SPG11: variants seen among roughly 807,000 people sequenced by gnomAD.
The protein encoded by SPG11 is spatacsin.
A neutral mutation model predicts 274.0 loss-of-function variants in SPG11; 222 were observed. The ratio of observed to expected loss-of-function variants is 0.81; its 90% CI spans 0.73 to 0.91. The LOEUF is 0.91. Ranked by LOEUF, SPG11 falls within the 40% of genes least tolerant of loss-of-function variation. SPG11 has a pLI of 0.00. For synonymous variants in SPG11, 1,144 were observed against 1,039.7 expected (o/e 1.10, Z -1.93); for missense variants, 3,114 against 2,872.7 (o/e 1.08, Z -1.92).
intron 12 of SPG11, 68 bp downstream of exon 12, chr15:44,622,647 TTTTTCTTCCAAGG>T (rs1315899358): frequency 5.1e-6 from 6 of 1,172,536 alleles, no homozygotes; most frequent in South Asian, 1.3e-5. Context: ...TTACTTAAGG[TTTTTCTTCCAAGG>T]TTTTCTTCCA....
At chr15:44,585,017 T>C (rs1595844394) in intron 29 of SPG11, among the ~76,000 whole-genome samples, 1 of 152,192 alleles carries the variant, frequency 6.6e-6, no homozygotes, top group Non-Finnish European at 1.5e-5. Context: ...AGTTATGGTA[T>C]GAAAAACAAT....
In SPG11 at chr15:44,584,249, G is replaced by A. The variant is rs1334299225; in HGVS notation, c.5431C>T (p.Leu1811Phe). 6.2e-7 allele frequency: 1 copy of A among 1,614,192 alleles called. No homozygotes were observed. The highest frequency in any genetic ancestry group is 1.7e-5 in the Admixed American group (1 of 60,018). ...TCTGTTTCCTCCTGATTTCTTCCAA[G>A]AGTGTGCTGGGTGATGCGGCACAGC... ...IWLCRITQHT[L>F]GRNQEETEPR... Residue 1811 changes from leucine to phenylalanine, a missense_variant, in exon 30 of 40, where the codon CTT (leucine) becomes TTT (phenylalanine). Transcript: ENST00000261866.
intron 20 of SPG11, among the ~76,000 whole-genome samples, chr15:44,600,855 G>A (rs781072651): frequency 6.6e-6 from 1 of 152,108 alleles, no homozygotes; most frequent in African/African-American, 2.4e-5. Context: ...AAAAACTCTG[G>A]TAAGAAATGA....
intron 16 of SPG11, among the ~76,000 whole-genome samples, 181 bp from the exon 17 acceptor site, chr15:44,613,717 A>G (rs1289116836): frequency 6.6e-6 from 1 of 152,218 alleles, no homozygotes; most frequent in African/African-American, 2.4e-5. Context: ...TCTGGAAACA[A>G]TTTTAGAGAT....
intron 7 of SPG11, among the ~76,000 whole-genome samples, chr15:44,634,673 G>A (rs1407454711): frequency 1.3e-5 from 2 of 151,838 alleles, no homozygotes; most frequent in African/African-American, 4.8e-5. Flanking sequence ...TGCAATCTCC[G>A]CCTCCCAGGT....
chr15:44,601,309 G>A (rs2083182400), intron 20 of SPG11, among the ~76,000 whole-genome samples: 1 of 151,798 alleles, frequency 6.6e-6, no homozygotes, highest in Non-Finnish European at 1.5e-5. Flanking sequence ...CGCCCAGACT[G>A]GAGTGCAGTG....
chr15:44,618,691 G>T (rs1055120677), intron 15 of SPG11, among the ~76,000 whole-genome samples: 23 of 151,844 alleles, frequency 1.5e-4, no homozygotes, highest in African/African-American at 5.6e-4. Context: ...GTGGTGGTGG[G>T]TGCCTGTAGT....
intron 15 of SPG11, among the ~76,000 whole-genome samples, chr15:44,619,721 AT>A (rs1231420239): frequency 0.072 from 9,802 of 135,684 alleles, 608 homozygotes; most frequent in East Asian, 0.21. Flanking sequence ...AATGCATATG[AT>A]TTTTTTTTTT....
intron 14 of SPG11, chr15:44,621,222 G>C (rs9972459): frequency 6.5e-6 from 1 of 153,620 alleles, no homozygotes; most frequent in Non-Finnish European, 1.4e-5. Context: ...TGAAACTTAC[G>C]TATTAGCTGT....
At chr15:44,618,604 T>TCAGG (rs2141020983) in intron 15 of SPG11, among the ~76,000 whole-genome samples, 1 of 147,558 alleles carries the variant, frequency 6.8e-6, no homozygotes, top group South Asian at 2.1e-4. Flanking sequence ...GAACACGAGG[T>TCAGG]CAGGAGATGA....
intron 36 of SPG11, 124 bp from the exon 37 acceptor site, chr15:44,566,429 CCT>C: frequency 2.2e-6 from 2 of 921,054 alleles, no homozygotes; most frequent in Non-Finnish European, 3.5e-6. Flanking sequence ...GGCAGGAACA[CCT>C]CACTCAGATA....
At chr15:44,591,010 C>T (rs913452011) in intron 27 of SPG11, 5 of 152,158 alleles carry the variant, frequency 3.3e-5, no homozygotes, top group Non-Finnish European at 7.3e-5. Context: ...AATCATGTGT[C>T]ACATTACTGC....
chr15:44,583,402 G>C (rs905210013), intron 30 of SPG11, among the ~76,000 whole-genome samples: 2 of 152,022 alleles, frequency 1.3e-5, no homozygotes, highest in African/African-American at 4.8e-5. Context: ...AGGTTGCAGT[G>C]AGCTGAGACC....
At chr15:44,596,991 T>A in intron 23 of SPG11, 48 bp from the exon 24 acceptor site, 1 of 1,579,554 alleles carries the variant, frequency 6.3e-7, no homozygotes, top group Non-Finnish European at 8.7e-7. Flanking sequence ...AACAAAAAAC[T>A]CATTAAAATA....
intron 6 of SPG11, among the ~76,000 whole-genome samples, chr15:44,650,624 T>TA (rs201279968): frequency 1.3e-3 from 160 of 125,604 alleles, no homozygotes; most frequent in Middle Eastern, 4.3e-3. Context: ...ACACTCTGCC[T>TA]AAAAAAAAAA....
In SPG11 at chr15:44,584,453, T is replaced by C. The variant is rs1419267108; in HGVS notation, c.5227A>G (p.Ile1743Val). Residue 1743 changes from isoleucine (I) to valine (V), a missense_variant, in exon 30 of 40, where the codon ATT becomes GTT. Coordinates refer to ENST00000261866, the MANE Select transcript of SPG11 (RefSeq NM_025137.4). ...KCHENFKKNS[I>V]SSKAASSFFS... is the part of the protein sequence containing the mutation. The stretch of plus-strand genomic sequence containing the variant: ...AAGGAAGAAGCTGCTTTGCTTGAAA[T>C]TGAATTTTTCTTAAAATTCTCATGG... 1.2e-6 allele frequency: 2 copies of C among 1,614,238 alleles called. No homozygotes were observed. Among genetic ancestry groups the C allele is most frequent in the Non-Finnish European group, 1.7e-6 (2 of 1,180,044 alleles).
intron 11 of SPG11, 63 bp downstream of exon 11, chr15:44,626,268 A>C: frequency 7.1e-7 from 1 of 1,414,140 alleles, no homozygotes; most frequent in Non-Finnish European, 9.6e-7. Flanking sequence ...ATACAAACCA[A>C]TTTTATAATA....
chr15:44,640,282 C>G (rs776851044), intron 7 of SPG11, among the ~76,000 whole-genome samples: 3 of 151,834 alleles, frequency 2.0e-5, no homozygotes, highest in Non-Finnish European at 4.4e-5. Context: ...AACACACACA[C>G]CAAAAATAAT....
intron 15 of SPG11, among the ~76,000 whole-genome samples, chr15:44,617,321 A>G (rs1188157892): frequency 2.6e-5 from 4 of 152,232 alleles, no homozygotes; most frequent in Non-Finnish European, 5.9e-5. Context: ...ATTCACTTAT[A>G]GCATTTTCCA....
Sources: allele counts gnomAD v4.1 joint callset (sites outside exome capture counted in the v4.1 genomes callset), GRCh38; gene constraint gnomAD v4.1.1; transcripts MANE v1.5; gene names NCBI Gene and HGNC (gene_info 2026-07-23, HGNC 2026-07-21).